Variants in VPS41 observed in about 807,000 individuals in gnomAD.
The protein encoded by VPS41 is vacuolar protein sorting-associated protein 41 homolog.
VPS41 carries 85 observed loss-of-function variants against 130.9 expected under a neutral mutation model. That is an observed-to-expected ratio of 0.65 (90% CI 0.55 to 0.78). The LOEUF is 0.78. Among genes scored for constraint, VPS41 ranks in the 30% least tolerant of loss-of-function variants. The pLI, the probability that VPS41 is intolerant of heterozygous loss-of-function variation, is 0.00. For missense variants in VPS41, 874 were observed against 1,018.7 expected (o/e 0.86, Z 1.93); for synonymous variants, 335 against 332.9 (o/e 1.01, Z -0.07).
At chr7:38,777,624 T>C (rs1160194402) in intron 10 of VPS41, among the ~76,000 whole-genome samples, 1 of 152,162 alleles carries the variant, frequency 6.6e-6, no homozygotes, top group African/African-American at 2.4e-5. Flanking sequence ...CCAGAAATCA[T>C]ACTCTACACT....
In VPS41 at chr7:38,852,581, T is replaced by C. The variant is rs138977814; in HGVS notation, c.246+9964A>G. On this transcript the variant is annotated intron_variant, in intron 4 of 28. Transcript: ENST00000310301. ...CATTAAGTATTCAACTATCCTAATA[T>C]ATCATGATCCTATTAAATGAAAAAC... 8.0e-3 allele frequency among the ~76,000 whole-genome samples: 1,221 copies of C among 152,244 alleles called. 17 individuals carry two copies. The highest frequency in any genetic ancestry group is 9.9e-3 in the Non-Finnish European group (673 of 67,998).
intron 17 of VPS41, among the ~76,000 whole-genome samples, chr7:38,761,231 CTT>C: frequency 7.5e-6 from 1 of 133,036 alleles, no homozygotes; most frequent in African/African-American, 2.8e-5. Context: ...CTCTCTCCCT[CTT>C]TCTTTGTTTT....
intron 2 of VPS41, among the ~76,000 whole-genome samples, chr7:38,876,707 A>G (rs546324547): frequency 1.2e-3 from 177 of 152,312 alleles, no homozygotes; most frequent in Non-Finnish European, 1.5e-3. Context: ...AAAACTGAGA[A>G]GTTGAGCCCC....
chr7:38,904,347 A>C (rs375412905), intron 1 of VPS41, among the ~76,000 whole-genome samples: 2 of 152,248 alleles, frequency 1.3e-5, no homozygotes, highest in African/African-American at 4.8e-5. Flanking sequence ...CCGCTAGTCC[A>C]GCAAAACTAA....
chr7:38,858,796 A>G lies in VPS41; in HGVS notation c.246+3749T>C, dbSNP rs79256819. 4.9e-4 allele frequency among the ~76,000 whole-genome samples: 75 copies of G among 152,318 alleles called. No homozygotes were observed. The East Asian group carries it at 0.014, about 29-fold the overall frequency. ...ATGTACTACATAATACGTGATAATGACAATAAATGACTATGTTGCTGGCTT... is the reference window on the plus strand; with the variant it reads ...ATGTACTACATAATACGTGATAATGGCAATAAATGACTATGTTGCTGGCTT... On this transcript the variant is annotated intron_variant, in intron 4 of 28. Coordinates refer to ENST00000310301, the MANE Select transcript of VPS41 (RefSeq NM_014396.4).
At chr7:38,844,281 T>C (rs1047101423) in intron 4 of VPS41, among the ~76,000 whole-genome samples, 9 of 152,370 alleles carry the variant, frequency 5.9e-5, no homozygotes, top group African/African-American at 1.7e-4. Context: ...TGTGCCCTGA[T>C]GCTACAAAAT....
At chr7:38,807,824 CCA>C (rs1784869770) in intron 7 of VPS41, among the ~76,000 whole-genome samples, 1 of 152,094 alleles carries the variant, frequency 6.6e-6, no homozygotes, top group Non-Finnish European at 1.5e-5. Flanking sequence ...ATGTTAAATC[CCA>C]CAAGAATATC....
At chr7:38,883,321 T>C (rs1378434100) in intron 2 of VPS41, among the ~76,000 whole-genome samples, 3 of 152,134 alleles carry the variant, frequency 2.0e-5, no homozygotes, top group African/African-American at 7.2e-5. Flanking sequence ...GCCCATTACT[T>C]CTTGGACACC....
At chr7:38,846,067 T>C (rs1157898151) in intron 4 of VPS41, among the ~76,000 whole-genome samples, 3 of 152,168 alleles carry the variant, frequency 2.0e-5, no homozygotes, top group African/African-American at 7.2e-5. Flanking sequence ...AAGGGAATAA[T>C]GCAGAACAAT....
At chr7:38,853,875 A>G (rs1785921093) in intron 4 of VPS41, among the ~76,000 whole-genome samples, 2 of 152,256 alleles carry the variant, frequency 1.3e-5, no homozygotes, top group South Asian at 4.1e-4. Context: ...GTCAGATGTT[A>G]AAACATTCAG....
chr7:38,756,138 T>G (rs578176336), intron 19 of VPS41, among the ~76,000 whole-genome samples: 1 of 152,098 alleles, frequency 6.6e-6, no homozygotes, highest in Non-Finnish European at 1.5e-5. Context: ...ATCTAAAATT[T>G]CAATTTTTTG....
At chr7:38,848,969 AT>A (rs540564447) in intron 4 of VPS41, among the ~76,000 whole-genome samples, 4 of 151,898 alleles carry the variant, frequency 2.6e-5, no homozygotes, top group African/African-American at 7.3e-5. Context: ...TTTTCGTGTA[AT>A]TTTTTTTCTG....
chr7:38,761,020 C>A (rs1245315829), intron 17 of VPS41, among the ~76,000 whole-genome samples: 1 of 152,102 alleles, frequency 6.6e-6, no homozygotes, highest in East Asian at 1.9e-4. Context: ...ATTTAGATTA[C>A]AAACTTCTTA....
chr7:38,726,858 C>T lies in VPS41; in HGVS notation c.2484+51G>A, dbSNP rs745599101. 3 of 1,446,970 alleles carry T rather than the reference C, an allele frequency of 2.1e-6. No individual in the cohort carries two copies. The Admixed American group carries it at 7.5e-5, about 36-fold the overall frequency. The allele number at this position is 1,446,970 out of a possible 1,614,324, so 89.6% of individuals were successfully genotyped here. On this transcript the variant is annotated intron_variant, in intron 28 of 28. Coordinates refer to ENST00000310301, the MANE Select transcript of VPS41 (RefSeq NM_014396.4). ...GGGTTACAGTTTAAAGCACATTCCT[C>T]TAAGTGTGTTAATTTCCCTCTAGTT... is the stretch of plus-strand genomic sequence containing the variant.
At chr7:38,896,862 C>A (rs1010724890) in intron 2 of VPS41, among the ~76,000 whole-genome samples, 3 of 152,122 alleles carry the variant, frequency 2.0e-5, no homozygotes, top group Non-Finnish European at 2.9e-5. Flanking sequence ...AAATGTAATT[C>A]TTCTTATGAG....
At chr7:38,841,693 T>C (rs1207468443) in intron 4 of VPS41, among the ~76,000 whole-genome samples, 1 of 152,210 alleles carries the variant, frequency 6.6e-6, no homozygotes, top group Non-Finnish European at 1.5e-5. Context: ...AACCTCCATC[T>C]CCTGGGTTCA....
chr7:38,759,241 C>T (rs1783865883), intron 17 of VPS41, among the ~76,000 whole-genome samples: 1 of 152,206 alleles, frequency 6.6e-6, no homozygotes, highest in South Asian at 2.1e-4. Flanking sequence ...TTCATGTAGA[C>T]AGTGTCAGAA....
chr7:38,802,627 G>A (rs1784752994), intron 7 of VPS41, among the ~76,000 whole-genome samples: 1 of 152,154 alleles, frequency 6.6e-6, no homozygotes, highest in African/African-American at 2.4e-5. Flanking sequence ...GGAAAGCTTT[G>A]CTTTGGTGAT....
At position 38,774,235 on chromosome 7, in the gene VPS41, A is replaced by G; in HGVS notation, c.892T>C (p.Tyr298His). Residue 298 changes from tyrosine to histidine, a missense_variant, in exon 12 of 29, where the codon TAC (tyrosine) becomes CAC (histidine). By Grantham distance (83) the Tyr-to-His change is moderately conservative. Transcript: ENST00000310301. ...KEISEKTERE[Y>H]CARPRLDIIQ... ...ATGTCCAGTCTAGGCCTGGCACAGTATTCTCTTTCCTAGTGGGGGAAAAGA... is the reference window on the plus strand; with the variant it reads ...ATGTCCAGTCTAGGCCTGGCACAGTGTTCTCTTTCCTAGTGGGGGAAAAGA... The G allele has an allele frequency of 7.6e-6, 12 of 1,584,906 alleles. No homozygotes were observed. Among genetic ancestry groups the G allele is most frequent in the African/African-American group, 6.7e-5 (5 of 74,314 alleles).
Sources: allele counts gnomAD v4.1 joint callset (sites outside exome capture counted in the v4.1 genomes callset), GRCh38; gene constraint gnomAD v4.1.1; transcripts MANE v1.5; gene names NCBI Gene and HGNC (gene_info 2026-07-23, HGNC 2026-07-21).